Variants in QSER1 observed in about 807,000 individuals in gnomAD.
QSER1 encodes the protein glutamine and serine rich 1.
A neutral mutation model predicts 158.5 loss-of-function variants in QSER1; 49 were observed. The ratio of observed to expected loss-of-function variants is 0.31; its 90% CI spans 0.25 to 0.39. The LOEUF (loss-of-function observed/expected upper bound fraction) is 0.39, where lower values mean the gene tolerates loss of function less well. Ranked by LOEUF, QSER1 falls within the 10% of genes least tolerant of loss-of-function variation. QSER1 has a pLI of 1.00. For synonymous variants in QSER1, 650 were observed against 715.5 expected (o/e 0.91, Z 1.46); for missense variants, 1,754 against 2,010.3 (o/e 0.87, Z 2.44).
chr11:32,970,492 C>T (rs1852832058), intron 10 of QSER1, among the ~76,000 whole-genome samples: 1 of 152,168 alleles, frequency 6.6e-6, no homozygotes, highest in African/African-American at 2.4e-5. Context: ...GCCATCTCCA[C>T]CTCCTGAGTT....
At chr11:32,967,447 A>G (rs1044764191) in intron 9 of QSER1, among the ~76,000 whole-genome samples, 2 of 152,312 alleles carry the variant, frequency 1.3e-5, no homozygotes, top group Non-Finnish European at 1.5e-5. Flanking sequence ...CATGTAACCC[A>G]AACCACCTGT....
At chr11:32,940,261 G>T (rs1852210271) in intron 4 of QSER1, among the ~76,000 whole-genome samples, 1 of 152,122 alleles carries the variant, frequency 6.6e-6, no homozygotes, top group South Asian at 2.1e-4. Flanking sequence ...CTTGCACAAG[G>T]CTTCTTTACC....
At chr11:32,901,530 G>A (rs1851625087) in intron 1 of QSER1, among the ~76,000 whole-genome samples, 1 of 152,174 alleles carries the variant, frequency 6.6e-6, no homozygotes, top group South Asian at 2.1e-4. Flanking sequence ...GAGCTCCTAA[G>A]AATAAGTGTT....
At position 32,955,326 on chromosome 11, in the gene QSER1, G is replaced by T; in HGVS notation, c.4531G>T (p.Ala1511Ser). ...TTTAAAAACAGGAAAAGAACCTCCAGCTATTTGGAAAGTACAAAAAGCTTT... is the reference window on the plus strand; with the variant it reads ...TTTAAAAACAGGAAAAGAACCTCCATCTATTTGGAAAGTACAAAAAGCTTT... ...EALKTGKEPP[A>S]IWKVQKALLQ... The change falls in exon 6 of 13, where the codon GCT (alanine) becomes TCT (serine). Residue 1511 changes from alanine (A) to serine (S), a missense_variant. Around this residue, in one of 2 missense-constraint regions of QSER1, gnomAD observed 1,707 missense variants for 1,919.6 expected, o/e 0.89. Coordinates refer to ENST00000650167, the MANE Select transcript of QSER1 (RefSeq NM_001076786.3). 2 of 1,596,518 alleles carry T rather than the reference G, an allele frequency of 1.3e-6. No individual in the cohort carries two copies. Among genetic ancestry groups the T allele is most frequent in the Non-Finnish European group, 1.7e-6 (2 of 1,173,470 alleles).
intron 12 of QSER1, chr11:32,975,647 T>C: frequency 1.7e-6 from 2 of 1,196,692 alleles, no homozygotes; most frequent in Non-Finnish European, 2.1e-6. Context: ...TCTCTCACAG[T>C]GTATGATGAT....
At chr11:32,963,253 T>C (rs1852660070) in intron 8 of QSER1, among the ~76,000 whole-genome samples, 1 of 151,436 alleles carries the variant, frequency 6.6e-6, no homozygotes, top group African/African-American at 2.4e-5. Flanking sequence ...TATCCCAGGC[T>C]CATGTGATCC....
intron 4 of QSER1, among the ~76,000 whole-genome samples, chr11:32,937,485 G>C (rs951612718): frequency 1.3e-5 from 2 of 151,872 alleles, no homozygotes; most frequent in African/African-American, 4.8e-5. Context: ...ATGGGATCTT[G>C]CTGTATTGCC....
chr11:32,895,165 G>A (rs1851539334), intron 1 of QSER1, among the ~76,000 whole-genome samples: 1 of 152,174 alleles, frequency 6.6e-6, no homozygotes, highest in Non-Finnish European at 1.5e-5. Flanking sequence ...CTTGAAAACA[G>A]TAAGTAGATT....
rs543222259 is a variant in QSER1, at chr11:32,946,584, C to T, written c.4178-7273C>T. Among the ~76,000 whole-genome samples the T allele has an allele frequency of 3.9e-5, 6 of 152,122 alleles. No homozygotes were observed. In the East Asian group the frequency reaches 5.8e-4, roughly 15 times the overall value. On this transcript the variant is annotated intron_variant, in intron 4 of 12. Coordinates refer to ENST00000650167, the MANE Select transcript of QSER1 (RefSeq NM_001076786.3). ...GACCCACTTTAGGAGGCAGTCTGCC[C>T]GTTCTCAGATCTCCAGCTGCGTACT...
intron 4 of QSER1, among the ~76,000 whole-genome samples, chr11:32,944,564 C>T (rs900935707): frequency 2.0e-5 from 3 of 151,864 alleles, no homozygotes; most frequent in African/African-American, 4.8e-5. Flanking sequence ...GATTCTTAAA[C>T]CTGAGTTCTA....
At chr11:32,904,918 C>G (rs1286473943) in intron 1 of QSER1, among the ~76,000 whole-genome samples, 1 of 152,158 alleles carries the variant, frequency 6.6e-6, no homozygotes, top group African/African-American at 2.4e-5. Flanking sequence ...TGTCCTTTAG[C>G]TTGGGTGTTT....
At chr11:32,968,057 G>C (rs933305985) in intron 9 of QSER1, among the ~76,000 whole-genome samples, 1 of 152,064 alleles carries the variant, frequency 6.6e-6, no homozygotes, top group Non-Finnish European at 1.5e-5. Flanking sequence ...TTTCTGTATA[G>C]TTGTATTTTG....
intron 8 of QSER1, among the ~76,000 whole-genome samples, chr11:32,960,598 AAGG>A (rs1444322827): frequency 1.3e-5 from 2 of 152,180 alleles, no homozygotes; most frequent in African/African-American, 4.8e-5. Context: ...CAGAATAGGT[AAGG>A]AAATTCAGTG....
Position 32,941,560 on chromosome 11 carries a change from C to G in QSER1, c.4177+6125C>G, listed in dbSNP as rs962250265. Among the ~76,000 whole-genome samples the G allele has an allele frequency of 8.4e-3, 1,271 of 152,140 alleles. 8 individuals carry two copies. Among genetic ancestry groups the G allele is most frequent in the Middle Eastern group, 0.024 (7 of 294 alleles). On this transcript the variant is annotated intron_variant, in intron 4 of 12. Transcript: ENST00000650167. ...TCCATGTCCCTACAAAGGACACGAA[C>G]TCATCATTTTTTGTGGCTGCATAGT...
At chr11:32,974,413 G>A (rs1476281588) in intron 11 of QSER1, among the ~76,000 whole-genome samples, 1 of 148,190 alleles carries the variant, frequency 6.7e-6, no homozygotes, top group Non-Finnish European at 1.5e-5. Context: ...GTGACAGAAT[G>A]AGACACTGTC....
rs755224358 is a variant in QSER1, at chr11:32,928,080, A to G, written c.441A>G (p.Gly147=). The change falls in exon 3 of 13, where the codon GGA becomes GGG. Residue 147 remains glycine, a synonymous_variant. Coordinates refer to ENST00000650167, the MANE Select transcript of QSER1 (RefSeq NM_001076786.3). ...ESRTAQAAAS[G]TTLLPQFRAP... ...GAACTGCTCAGGCTGCTGCTTCAGGAACTACTCTCTTACCACAATTCAGGG... is the reference window on the plus strand; with the variant it reads ...GAACTGCTCAGGCTGCTGCTTCAGGGACTACTCTCTTACCACAATTCAGGG... 3 of 1,613,904 alleles carry G rather than the reference A, an allele frequency of 1.9e-6. No homozygotes were observed. In the South Asian group the frequency reaches 3.3e-5, roughly 18 times the overall value.
rs553810685 is a variant in QSER1 at position 32,976,348 on chromosome 11, G to A, written c.5469G>A (p.Gln1823=). The A allele has an allele frequency of 2.5e-6, 4 of 1,585,968 alleles. No homozygotes were observed. The highest frequency in any genetic ancestry group is 3.4e-6 in the Non-Finnish European group (4 of 1,171,738). Reference sequence around the variant, plus strand: ...TCTTTTTTTAGATTTCTTCGGTGCAGAAAAAAAATGAAGATTTAGGACAGG... The same window carrying A: ...TCTTTTTTTAGATTTCTTCGGTGCAAAAAAAAAATGAAGATTTAGGACAGG... ...LICKDEISSV[Q]KKNEDLGQEE... is the part of the protein sequence containing the mutation. Residue 1823 remains glutamine (Q), a synonymous_variant, in exon 13 of 13, where the codon CAG becomes CAA. Coordinates refer to ENST00000650167, the MANE Select transcript of QSER1 (RefSeq NM_001076786.3).
In QSER1 at chr11:32,931,964, G is replaced by A. The variant is rs1163610241; in HGVS notation, c.706G>A (p.Gly236Arg). ...TTTGCTACAAATCAAGACTTCCCAGGGAACTGTTCCAACTGCTTTGGCATT... is the reference window on the plus strand; with the variant it reads ...TTTGCTACAAATCAAGACTTCCCAGAGAACTGTTCCAACTGCTTTGGCATT... ...DPLLQIKTSQ[G>R]TVPTALAFER... Residue 236 changes from glycine to arginine, a missense_variant, in exon 4 of 13, where the codon GGA (glycine) becomes AGA (arginine). By Grantham distance (125) the Gly-to-Arg change is moderately radical. Transcript: ENST00000650167. 3.7e-6 allele frequency: 6 copies of A among 1,614,018 alleles called. No homozygotes were observed. Among genetic ancestry groups the A allele is most frequent in the Non-Finnish European group, 5.1e-6 (6 of 1,180,028 alleles).
chr11:32,961,434 CT>C (rs1414834836), intron 8 of QSER1, among the ~76,000 whole-genome samples: 1 of 152,138 alleles, frequency 6.6e-6, no homozygotes, highest in Non-Finnish European at 1.5e-5. Context: ...TGATATAGAT[CT>C]TCCAATAATT....
Sources: gnomAD v4.1 joint callset for allele counts (sites outside exome capture counted in the v4.1 genomes callset) on GRCh38, gnomAD v4.1.1 for gene constraint, gnomAD v4.1.1 regional missense constraint, MANE v1.5 for transcripts, NCBI Gene and HGNC (gene_info 2026-07-23, HGNC 2026-07-21) for gene names.